PCMTD1: variants seen among roughly 807,000 people sequenced by gnomAD.
The protein encoded by PCMTD1 is protein-L-isoaspartate (D-aspartate) O-methyltransferase domain containing 1.
A neutral mutation model predicts 37.6 loss-of-function variants in PCMTD1; 12 were observed. The ratio of observed to expected loss-of-function variants is 0.32; its 90% CI spans 0.20 to 0.52. The LOEUF (loss-of-function observed/expected upper bound fraction) is 0.52. PCMTD1 is among the 20% of genes least tolerant of loss of function. The pLI is 0.97. For synonymous variants in PCMTD1, 117 were observed against 135.8 expected (o/e 0.86, Z 0.96); for missense variants, 235 against 421.3 (o/e 0.56, Z 3.87).
chr8:51,882,762 T>C (rs1216293957), intron 1 of PCMTD1, among the ~76,000 whole-genome samples: 1 of 150,998 alleles, frequency 6.6e-6, no homozygotes, highest in East Asian at 1.9e-4. Context: ...TTATATTTCA[T>C]TGGAGAGAAA....
In PCMTD1 at chr8:51,872,133, G is replaced by A. The variant is rs145877322; in HGVS notation, c.-95-10887C>T. On this transcript the variant is annotated intron_variant, in intron 1 of 5. Transcript: ENST00000522514. ...TAATATATAAAACTTTAAAGGACAA[G>A]ATATGAGGTTCATCTAGCTGAAATT... Among the ~76,000 whole-genome samples, 344 of 152,270 alleles carry A rather than the reference G, an allele frequency of 2.3e-3. 1 individual carries two copies. The highest frequency in any genetic ancestry group is 7.4e-3 in the African/African-American group (307 of 41,566).
At chr8:51,838,098 T>C (rs1227601056) in intron 3 of PCMTD1, among the ~76,000 whole-genome samples, 1 of 152,172 alleles carries the variant, frequency 6.6e-6, no homozygotes, top group Non-Finnish European at 1.5e-5. Context: ...ATAACTTACT[T>C]TTATACAGCA....
intron 2 of PCMTD1, among the ~76,000 whole-genome samples, chr8:51,852,819 A>T (rs2038327521): frequency 6.6e-6 from 1 of 152,220 alleles, no homozygotes; most frequent in Non-Finnish European, 1.5e-5. Context: ...AGTACTCTTC[A>T]CTAAGAAAGG....
At chr8:51,834,767 A>G in intron 3 of PCMTD1, among the ~76,000 whole-genome samples, 1 of 152,308 alleles carries the variant, frequency 6.6e-6, no homozygotes, top group Non-Finnish European at 1.5e-5. Flanking sequence ...ACTAAAACAC[A>G]TACACATTAT....
At chr8:51,822,900 C>T (rs559006541) in intron 5 of PCMTD1, among the ~76,000 whole-genome samples, 8 of 152,290 alleles carry the variant, frequency 5.3e-5, no homozygotes, top group South Asian at 2.1e-4. Flanking sequence ...CAGTCTTTTC[C>T]GCTGATCTTG....
chr8:51,859,614 C>G (rs2038442554), intron 2 of PCMTD1, among the ~76,000 whole-genome samples: 1 of 152,002 alleles, frequency 6.6e-6, no homozygotes, highest in African/African-American at 2.4e-5. Context: ...TCAGACCTGA[C>G]TATACCTTAA....
At chr8:51,877,597 T>G (rs1479314452) in intron 1 of PCMTD1, among the ~76,000 whole-genome samples, 1 of 152,192 alleles carries the variant, frequency 6.6e-6, no homozygotes, top group Middle Eastern at 3.2e-3. Context: ...AAGTTACTAT[T>G]TATTCCTAAT....
In PCMTD1 at chr8:51,883,613, T is replaced by G. The variant is rs572131202; in HGVS notation, c.-96+15317A>C. On this transcript the variant is annotated intron_variant, in intron 1 of 5. Coordinates refer to ENST00000522514, the MANE Select transcript of PCMTD1 (RefSeq NM_052937.4). Reference sequence around the variant, plus strand: ...AAGGTTGACAAATGCCCGATATTTTTAAAACGTGTTCAGAAAGTCAAACTG... The same window carrying G: ...AAGGTTGACAAATGCCCGATATTTTGAAAACGTGTTCAGAAAGTCAAACTG... Among the ~76,000 whole-genome samples, 3 of 152,304 alleles carry G rather than the reference T, an allele frequency of 2.0e-5. No homozygotes were observed. The East Asian group carries it at 5.8e-4, about 29-fold the overall frequency.
At chr8:51,855,751 C>T (rs185393657) in intron 2 of PCMTD1, among the ~76,000 whole-genome samples, 209 of 151,936 alleles carry the variant, frequency 1.4e-3, no homozygotes, top group African/African-American at 4.8e-3. Context: ...CTCCGCCTCC[C>T]GGGTTCACAC....
At chr8:51,887,932 A>T (rs2038887824) in intron 1 of PCMTD1, among the ~76,000 whole-genome samples, 1 of 151,940 alleles carries the variant, frequency 6.6e-6, no homozygotes, top group African/African-American at 2.4e-5. Context: ...TTTAGTAGAG[A>T]CGGAGTTTCA....
chr8:51,818,246 T>C lies in PCMTD1; in HGVS notation c.*2105A>G. 1 of 286,292 alleles carries C rather than the reference T, an allele frequency of 3.5e-6. No homozygotes were observed. Among genetic ancestry groups the C allele is most frequent in the Admixed American group, 5.0e-5 (1 of 19,892 alleles). The allele number at this position is 286,292 out of a possible 1,614,324, so 17.7% of individuals were successfully genotyped here. A position where few individuals can be genotyped will look rare whatever the true frequency, so the allele number is the denominator to read the frequency against. The stretch of plus-strand genomic sequence containing the variant: ...TGAATGCATTTAAAAACATAAAAGA[T>C]ACATTTCAATGACAAGAAATATGCA... On this transcript the variant is annotated 3_prime_UTR_variant, in exon 6 of 6. Coordinates refer to ENST00000522514, the MANE Select transcript of PCMTD1 (RefSeq NM_052937.4).
intron 2 of PCMTD1, among the ~76,000 whole-genome samples, chr8:51,847,289 T>C (rs2038236172): frequency 2.6e-5 from 4 of 152,226 alleles, no homozygotes; most frequent in Admixed American, 2.6e-4. Flanking sequence ...GATGTCAACA[T>C]ATAAAATGTT....
At chr8:51,834,492 C>G (rs1036403414) in intron 3 of PCMTD1, among the ~76,000 whole-genome samples, 1 of 152,056 alleles carries the variant, frequency 6.6e-6, no homozygotes, top group Admixed American at 6.6e-5. Flanking sequence ...CTAATATAAA[C>G]GTAATTAAAA....
upstream of PCMTD1, chr8:51,899,088 CCGGAG>C: frequency 1.3e-6 from 2 of 1,481,742 alleles, no homozygotes; most frequent in Non-Finnish European, 1.8e-6. Context: ...CTCCCGGACT[CCGGAG>C]CCGCCGGGGT....
intron 4 of PCMTD1, among the ~76,000 whole-genome samples, chr8:51,832,554 T>C (rs886120291): frequency 1.3e-5 from 2 of 152,232 alleles, no homozygotes; most frequent in Non-Finnish European, 2.9e-5. Flanking sequence ...TACAAGGTTA[T>C]TGTAAACATT....
chr8:51,878,650 G>T (rs138782366), intron 1 of PCMTD1, among the ~76,000 whole-genome samples: 15 of 152,292 alleles, frequency 9.8e-5, no homozygotes, highest in African/African-American at 3.6e-4. Context: ...TCAGGAAATG[G>T]AGGTAGGATG....
At chr8:51,848,991 T>G (rs1259250418) in intron 2 of PCMTD1, 1 of 151,544 alleles carries the variant, frequency 6.6e-6, no homozygotes, top group African/African-American at 2.4e-5. Flanking sequence ...GAATGTGATA[T>G]ACACCTTGAA....
At chr8:51,889,759 A>C (rs1194696260) in intron 1 of PCMTD1, among the ~76,000 whole-genome samples, 2 of 152,186 alleles carry the variant, frequency 1.3e-5, no homozygotes, top group African/African-American at 4.8e-5. Context: ...TCCCACATAA[A>C]GTGTCAGTTT....
intron 1 of PCMTD1, 83 bp downstream of exon 1, chr8:51,898,847 G>A (rs2039051965): frequency 8.3e-7 from 1 of 1,210,600 alleles, no homozygotes; most frequent in African/African-American, 1.6e-5. Flanking sequence ...TGGCCTCCAA[G>A]CGCATCCCAG....
Sources: allele counts gnomAD v4.1 joint callset (sites outside exome capture counted in the v4.1 genomes callset), GRCh38; gene constraint gnomAD v4.1.1; transcripts MANE v1.5; gene names NCBI Gene and HGNC (gene_info 2026-07-23, HGNC 2026-07-21).